Variants in CPED1 observed in about 807,000 individuals in gnomAD.
CPED1 encodes cadherin-like and PC-esterase domain-containing protein 1.
Under a neutral mutation model 128.2 loss-of-function variants are expected in CPED1, and 114 were observed. The ratio of observed to expected loss-of-function variants is 0.89; its 90% confidence interval spans 0.76 to 1.04. The LOEUF (loss-of-function observed/expected upper bound fraction) is 1.04, where lower values mean the gene tolerates loss of function less well. Among genes scored for constraint, CPED1 ranks in the 50% least tolerant of loss-of-function variants. The pLI is 0.00. For missense variants in CPED1, 1,211 were observed against 1,207.1 expected (o/e 1.00, Z -0.05); for synonymous variants, 462 against 426.7 (o/e 1.08, Z -1.02).
At chr7:121,293,970 C>A (rs1792767862) in intron 22 of CPED1, among the ~76,000 whole-genome samples, 1 of 152,002 alleles carries the variant, frequency 6.6e-6, no homozygotes, top group Admixed American at 6.6e-5. Flanking sequence ...TGCCAGCCCC[C>A]CATTCGTTAT....
At chr7:121,047,836 G>C (rs898197780) in intron 4 of CPED1, among the ~76,000 whole-genome samples, 2 of 151,400 alleles carry the variant, frequency 1.3e-5, no homozygotes, top group African/African-American at 4.9e-5. Context: ...TCAGCCTCCG[G>C]TGGTAGCGGG....
chr7:120,990,996 A>G (rs1796301587), intron 2 of CPED1, among the ~76,000 whole-genome samples: 1 of 152,230 alleles, frequency 6.6e-6, no homozygotes, highest in African/African-American at 2.4e-5. Flanking sequence ...GGTAGGTCAC[A>G]TGGTTAGCAT....
chr7:121,176,009 T>C (rs11981613), intron 16 of CPED1, among the ~76,000 whole-genome samples: 13,327 of 151,968 alleles, frequency 0.088, 644 homozygotes, highest in South Asian at 0.13. Context: ...AGTGCCCTCC[T>C]ATAACGGACA....
intron 12 of CPED1, among the ~76,000 whole-genome samples, chr7:121,133,508 T>C (rs1231793793): frequency 6.6e-6 from 1 of 152,100 alleles, no homozygotes; most frequent in Non-Finnish European, 1.5e-5. Context: ...GCCAAACAGA[T>C]TTCCAATAAG....
chr7:121,036,663 G>C (rs1792902092), intron 3 of CPED1, among the ~76,000 whole-genome samples: 1 of 151,946 alleles, frequency 6.6e-6, no homozygotes, highest in African/African-American at 2.4e-5. Context: ...CTAGTAGTGG[G>C]ATGGCTGAAT....
chr7:121,165,666 C>A (rs1202190960), intron 16 of CPED1, among the ~76,000 whole-genome samples: 1 of 152,190 alleles, frequency 6.6e-6, no homozygotes, highest in Non-Finnish European at 1.5e-5. Flanking sequence ...ATGTCCCCAC[C>A]CTACTTCAGT....
intron 18 of CPED1, among the ~76,000 whole-genome samples, chr7:121,256,130 A>AAAAAAAAC (rs1791863807): frequency 8.5e-5 from 3 of 35,192 alleles, no homozygotes; most frequent in African/African-American, 1.3e-4. Context: ...AAAACAAAAC[A>AAAAAAAAC]AAAAAAAAAA....
rs928730483 is a variant in CPED1, at chr7:121,296,558, G to A, written c.*906G>A. ...AGGACTATGCATTCTGAAATGCATA[G>A]GTGCTTTTTCCCACCAAGCATTTGC... is the stretch of plus-strand genomic sequence containing the variant. On this transcript the variant is annotated 3_prime_UTR_variant, in exon 23 of 23. Coordinates refer to ENST00000310396, the MANE Select transcript of CPED1 (RefSeq NM_024913.5). 7 of 151,922 alleles carry A rather than the reference G, an allele frequency of 4.6e-5. No homozygotes were observed. The highest frequency in any genetic ancestry group is 8.8e-5 in the Non-Finnish European group (6 of 67,924). 9.4% of individuals were successfully genotyped at this position (151,922 alleles called of 1,614,324 possible).
chr7:121,293,167 A>C (rs1387834743), intron 22 of CPED1, among the ~76,000 whole-genome samples: 1 of 152,134 alleles, frequency 6.6e-6, no homozygotes, highest in Non-Finnish European at 1.5e-5. Context: ...TGAGAGTTTT[A>C]TCTATAAGCC....
intron 11 of CPED1, among the ~76,000 whole-genome samples, chr7:121,129,579 C>G (rs1795612061): frequency 6.6e-6 from 1 of 151,540 alleles, no homozygotes; most frequent in South Asian, 2.1e-4. Flanking sequence ...AGGGATCTGC[C>G]TTGCTCTTCA....
chr7:121,069,925 C>G (rs1294681208), intron 5 of CPED1, among the ~76,000 whole-genome samples: 1 of 152,042 alleles, frequency 6.6e-6, no homozygotes, highest in Non-Finnish European at 1.5e-5. Context: ...GGCCATAACT[C>G]ATTCATTCCA....
chr7:121,197,138 T>C (rs1797290405), intron 16 of CPED1, among the ~76,000 whole-genome samples: 1 of 81,240 alleles, frequency 1.2e-5, no homozygotes, highest in African/African-American at 4.5e-5. Flanking sequence ...TTTTTTTTTC[T>C]AGAGAGGACC....
chr7:121,090,810 A>T (rs932784553), intron 5 of CPED1, among the ~76,000 whole-genome samples: 2 of 151,980 alleles, frequency 1.3e-5, no homozygotes, highest in Non-Finnish European at 2.9e-5. Flanking sequence ...TTAACCGGGC[A>T]TGGTGGCGGT....
intron 21 of CPED1, among the ~76,000 whole-genome samples, chr7:121,267,669 G>A (rs1334906927): frequency 1.3e-5 from 2 of 151,940 alleles, no homozygotes; most frequent in Non-Finnish European, 2.9e-5. Context: ...AACAGTAGGG[G>A]TCTCTGGCCA....
intron 5 of CPED1, among the ~76,000 whole-genome samples, chr7:121,089,245 A>C (rs1447496366): frequency 6.6e-6 from 1 of 152,188 alleles, no homozygotes; most frequent in East Asian, 1.9e-4. Flanking sequence ...CATTGTGGCC[A>C]TTGGCTCTTG....
chr7:121,146,965 T>G (rs752497462), intron 16 of CPED1, among the ~76,000 whole-genome samples: 1 of 152,104 alleles, frequency 6.6e-6, no homozygotes, highest in African/African-American at 2.4e-5. Flanking sequence ...TCTTTATTGT[T>G]GGATGTTTAG....
At chr7:121,223,384 T>C (rs566315626) in intron 16 of CPED1, among the ~76,000 whole-genome samples, 1 of 152,204 alleles carries the variant, frequency 6.6e-6, no homozygotes, top group African/African-American at 2.4e-5. Flanking sequence ...GATTTTCGCA[T>C]TGATGTTCAT....
At chr7:121,070,832 T>C (rs910682327) in intron 5 of CPED1, among the ~76,000 whole-genome samples, 1 of 152,158 alleles carries the variant, frequency 6.6e-6, no homozygotes, top group Non-Finnish European at 1.5e-5. Flanking sequence ...TCTAGCCAGA[T>C]TGATCTTCCT....
intron 16 of CPED1, among the ~76,000 whole-genome samples, chr7:121,201,840 C>G (rs1797408078): frequency 6.6e-6 from 1 of 152,038 alleles, no homozygotes; most frequent in Non-Finnish European, 1.5e-5. Context: ...GTAGACTTCC[C>G]CCTTAGCCTG....
Sources: allele counts gnomAD v4.1 joint callset (sites outside exome capture counted in the v4.1 genomes callset), GRCh38; gene constraint gnomAD v4.1.1; transcripts MANE v1.5; gene names NCBI Gene and HGNC (gene_info 2026-07-23, HGNC 2026-07-21).